The following H2BC18 variants were observed in gnomAD, a reference collection of about 807,000 sequenced individuals.
The protein encoded by H2BC18 is histone H2B type 2-F.
A neutral mutation model predicts 6.3 loss-of-function variants in H2BC18; 8 were observed. The ratio of observed to expected loss-of-function variants is 1.28; its 90% CI spans 0.75 to 2.31. The LOEUF is 2.31. Ranked by LOEUF, H2BC18 falls within the 30% of genes most tolerant of loss-of-function variation. H2BC18 has a pLI of 0.00. For missense variants in H2BC18, 106 were observed against 174.5 expected (o/e 0.61, Z 2.21); for synonymous variants, 104 against 78.1 (o/e 1.33, Z -1.75).
At chr1:149,793,538 G>GT (rs1245438760) in intron 1 of H2BC18, among the ~76,000 whole-genome samples, 1 of 152,102 alleles carries the variant, frequency 6.6e-6, no homozygotes, top group Non-Finnish European at 1.5e-5. Flanking sequence ...GGGGAGAAAG[G>GT]TGGGTCGGAC....
At position 149,782,869 on chromosome 1, in the gene H2BC18, T is replaced by G. The variant is rs2091456110; in HGVS notation, c.*364A>C. ...TTCCTGTGGTAACTCTGGGTAGAACTCATGAGTATGAAGCAACTTGTATCT... is the reference window on the plus strand; with the variant it reads ...TTCCTGTGGTAACTCTGGGTAGAACGCATGAGTATGAAGCAACTTGTATCT... On this transcript the variant is annotated 3_prime_UTR_variant, in exon 2 of 2. Transcript: ENST00000545683. The G allele has an allele frequency of 3.8e-6, 6 of 1,573,614 alleles. No individual in the cohort carries two copies. In the East Asian group the frequency reaches 1.3e-4, roughly 35 times the overall value.
downstream of H2BC18, among the ~76,000 whole-genome samples, chr1:149,809,526 G>A (rs2091952932): frequency 6.8e-6 from 1 of 147,784 alleles, no homozygotes; most frequent in Non-Finnish European, 1.5e-5. Flanking sequence ...CAATTTTCTA[G>A]TGTTCTGTTG....
chr1:149,786,779 A>G (rs1297605144), intron 1 of H2BC18: 1 of 152,206 alleles, frequency 6.6e-6, no homozygotes. Flanking sequence ...TATTTTATTC[A>G]TGAATTACTT....
chr1:149,790,972 CAG>C (rs1274239422), intron 1 of H2BC18, among the ~76,000 whole-genome samples: 1 of 151,460 alleles, frequency 6.6e-6, no homozygotes, highest in East Asian at 2.0e-4. Context: ...TTAAATGGCA[CAG>C]AGATATCAGT....
chr1:149,785,335 C>T (rs1382032111), intron 1 of H2BC18, among the ~76,000 whole-genome samples: 6 of 150,534 alleles, frequency 4.0e-5, no homozygotes, highest in Admixed American at 2.0e-4. Context: ...CTTGATGTTC[C>T]TCATGTGTCC....
chr1:149,790,183 A>T, intron 1 of H2BC18: 1 of 1,613,916 alleles, frequency 6.2e-7, no homozygotes. Context: ...TTCTCCTTCT[A>T]CATGGGCAGC....
intron 1 of H2BC18, chr1:149,791,638 A>T: frequency 6.6e-7 from 1 of 1,505,868 alleles, no homozygotes; most frequent in Admixed American, 2.3e-5. Flanking sequence ...ATGGTATGTA[A>T]CTCTTAAAGC....
At chr1:149,801,925 A>G (rs2091876606) in intron 1 of H2BC18, among the ~76,000 whole-genome samples, 1 of 152,110 alleles carries the variant, frequency 6.6e-6, no homozygotes, top group Non-Finnish European at 1.5e-5. Context: ...AAAATTTAAT[A>G]TGCCACTTTC....
At chr1:149,793,921 C>T (rs2091769608) in intron 1 of H2BC18, 4 of 1,285,956 alleles carry the variant, frequency 3.1e-6, no homozygotes, top group Non-Finnish European at 4.0e-6. Flanking sequence ...AGCTAAATGC[C>T]TTCAGGATTT....
At position 149,811,907 on chromosome 1, in the gene H2BC18, G is replaced by C. The variant is rs200229834; in HGVS notation, c.*36C>G. ...AGTGGCTCTGAAAAGAGCCTTTGGG[G>C]TTAGGTGGTTGATCTATTGCGTCCC... is the stretch of plus-strand genomic sequence containing the variant. On this transcript the variant is annotated 3_prime_UTR_variant, in exon 1 of 1. Transcript: ENST00000369167. The C allele has an allele frequency of 5.1e-5, 80 of 1,563,082 alleles. No homozygotes were observed. The highest frequency in any genetic ancestry group is 6.8e-5 in the Non-Finnish European group (77 of 1,136,724).
At chr1:149,811,775 C>T (rs1253163115), downstream of H2BC18, 2 of 685,374 alleles carry the variant, frequency 2.9e-6, no homozygotes, top group African/African-American at 1.8e-5. Flanking sequence ...CAGGAAACTC[C>T]TTAGTCCTAA....
chr1:149,785,764 C>G (rs1487202473), intron 1 of H2BC18: 9 of 151,982 alleles, frequency 5.9e-5, no homozygotes, highest in Non-Finnish European at 1.2e-4. Flanking sequence ...AAACAGCATC[C>G]AGATCTATTT....
downstream of H2BC18, among the ~76,000 whole-genome samples, chr1:149,807,713 A>C (rs1243941001): frequency 1.3e-5 from 2 of 152,012 alleles, no homozygotes; most frequent in Non-Finnish European, 1.5e-5. Flanking sequence ...CTGAGGCAGG[A>C]GAATCGCTTG....
chr1:149,784,580 G>A (rs1460989147), intron 1 of H2BC18, among the ~76,000 whole-genome samples: 5 of 151,588 alleles, frequency 3.3e-5, no homozygotes, highest in African/African-American at 1.2e-4. Context: ...AATGAACAAT[G>A]AAATATCTTC....
intron 1 of H2BC18, chr1:149,792,566 G>A (rs1553752117): frequency 3.4e-6 from 4 of 1,186,760 alleles, no homozygotes; most frequent in Non-Finnish European, 3.2e-6. Flanking sequence ...TAAATGATGG[G>A]ATGGGGCGTC....
At chr1:149,806,182 C>T (rs1473757783) in intron 1 of H2BC18, among the ~76,000 whole-genome samples, 13 of 151,500 alleles carry the variant, frequency 8.6e-5, no homozygotes, top group Non-Finnish European at 1.5e-4. Flanking sequence ...AGCCAAGCGC[C>T]CAGAAAGCAG....
chr1:149,799,532 T>C (rs1571411185), intron 1 of H2BC18, among the ~76,000 whole-genome samples: 1 of 152,104 alleles, frequency 6.6e-6, no homozygotes, highest in Non-Finnish European at 1.5e-5. Context: ...TACTACACAA[T>C]AGTAGGTTGT....
intron 1 of H2BC18, among the ~76,000 whole-genome samples, chr1:149,797,415 T>G (rs1292689165): frequency 6.6e-6 from 1 of 152,144 alleles, no homozygotes; most frequent in African/African-American, 2.4e-5. Flanking sequence ...CTAGTATTAC[T>G]TATGTGCTTT....
chr1:149,788,556 C>T, intron 1 of H2BC18: 1 of 1,613,936 alleles, frequency 6.2e-7, no homozygotes, highest in Non-Finnish European at 8.5e-7. Flanking sequence ...ATGGCACCTA[C>T]CATTGCTCAG....
Sources: gnomAD v4.1 joint callset for allele counts (sites outside exome capture counted in the v4.1 genomes callset) on GRCh38, gnomAD v4.1.1 for gene constraint, MANE v1.5 for transcripts, NCBI Gene and HGNC (gene_info 2026-07-23, HGNC 2026-07-21) for gene names.